The following CLSTN2 variants were observed in gnomAD, a reference collection of about 807,000 sequenced individuals.
CLSTN2 encodes calsyntenin-2.
CLSTN2 carries 48 observed loss-of-function variants against 101.2 expected under a neutral mutation model. The observed-to-expected ratio is 0.47, with a 90% CI of 0.38 to 0.60. CLSTN2 has a LOEUF of 0.60. Ranked by LOEUF, CLSTN2 falls within the 20% of genes least tolerant of loss-of-function variation. The pLI is 0.00. For synonymous variants in CLSTN2, 481 were observed against 463.6 expected, an observed-to-expected ratio of 1.04 and a Z score of -0.48; for missense variants, 1,160 against 1,238.2, an observed-to-expected ratio of 0.94 and a Z score of 0.95.
intron 2 of CLSTN2, among the ~76,000 whole-genome samples, chr3:140,268,808 C>T (rs2086717185): frequency 6.6e-6 from 1 of 152,126 alleles, no homozygotes; most frequent in Non-Finnish European, 1.5e-5. Context: ...TGATGCTGTA[C>T]AACATTACGC....
chr3:140,106,527 TG>T (rs1475776444), intron 1 of CLSTN2, among the ~76,000 whole-genome samples: 1 of 152,216 alleles, frequency 6.6e-6, no homozygotes, highest in Non-Finnish European at 1.5e-5. Flanking sequence ...TCTGCCCCTG[TG>T]GGTGAGCACT....
At chr3:140,338,198 C>A (rs1285973077) in intron 2 of CLSTN2, among the ~76,000 whole-genome samples, 1 of 152,134 alleles carries the variant, frequency 6.6e-6, no homozygotes, top group Non-Finnish European at 1.5e-5. Context: ...TGACTGATCT[C>A]TCTCTCTCTC....
At chr3:140,411,865 A>C (rs1282615517) in intron 4 of CLSTN2, among the ~76,000 whole-genome samples, 1 of 152,238 alleles carries the variant, frequency 6.6e-6, no homozygotes, top group Non-Finnish European at 1.5e-5. Flanking sequence ...AAAAGGTTTT[A>C]GTACGTACAG....
intron 2 of CLSTN2, among the ~76,000 whole-genome samples, chr3:140,259,664 C>T (rs1287183337): frequency 6.6e-6 from 1 of 152,098 alleles, no homozygotes; most frequent in Non-Finnish European, 1.5e-5. Flanking sequence ...ACCCGACAGG[C>T]AACTAATGAT....
At chr3:139,997,476 T>G (rs570235924) in intron 1 of CLSTN2, among the ~76,000 whole-genome samples, 1 of 152,332 alleles carries the variant, frequency 6.6e-6, no homozygotes, top group South Asian at 2.1e-4. Flanking sequence ...TCCTTTCTCT[T>G]GTGCTGTTTC....
intron 8 of CLSTN2, among the ~76,000 whole-genome samples, chr3:140,523,955 A>T (rs1281139040): frequency 6.6e-6 from 1 of 152,174 alleles, no homozygotes; most frequent in East Asian, 1.9e-4. Flanking sequence ...TCTCAGACTC[A>T]CTTTCTCAAT....
In CLSTN2 at chr3:140,572,638, T is replaced by G. The variant is rs1985592794; in HGVS notation, c.*6385T>G. On this transcript the variant is annotated 3_prime_UTR_variant, in exon 17 of 17. Transcript: ENST00000458420. ...GGTTCCCTGGGCCAGCTGCATCACC[T>G]GGGAACATGTGAGAAGTGCATATTC... is the stretch of plus-strand genomic sequence containing the variant. 1 of 152,244 alleles carries G rather than the reference T, an allele frequency of 6.6e-6. No homozygotes were observed. The highest frequency in any genetic ancestry group is 2.1e-4 in the South Asian group (1 of 4,820). 9.4% of individuals were successfully genotyped at this position (152,244 alleles called of 1,614,324 possible). A position where few individuals can be genotyped will look rare whatever the true frequency, so the allele number is the denominator to read the frequency against.
chr3:140,171,651 GTATTATA>G (rs1368322202), intron 1 of CLSTN2, among the ~76,000 whole-genome samples: 3 of 31,034 alleles, frequency 9.7e-5, no homozygotes, highest in Non-Finnish European at 1.2e-4. Flanking sequence ...TATATAATAC[GTATTATA>G]TATTATATAT....
At chr3:140,155,866 C>T (rs1285803556) in intron 1 of CLSTN2, among the ~76,000 whole-genome samples, 1 of 152,206 alleles carries the variant, frequency 6.6e-6, no homozygotes, top group Non-Finnish European at 1.5e-5. Flanking sequence ...TTGAGATTGC[C>T]ATCTGCTTTG....
At chr3:140,564,842 A>C (rs1256192378) in intron 16 of CLSTN2, among the ~76,000 whole-genome samples, 1 of 152,206 alleles carries the variant, frequency 6.6e-6, no homozygotes, top group East Asian at 1.9e-4. Context: ...GAATCTATCC[A>C]TGAGTGTCAA....
At chr3:140,089,493 T>C (rs1187663506) in intron 1 of CLSTN2, among the ~76,000 whole-genome samples, 2 of 152,170 alleles carry the variant, frequency 1.3e-5, no homozygotes, top group African/African-American at 4.8e-5. Flanking sequence ...ACCTATTAGT[T>C]CAGCAGGCTC....
chr3:140,260,143 T>C (rs2086638299), intron 2 of CLSTN2, among the ~76,000 whole-genome samples: 1 of 148,104 alleles, frequency 6.8e-6, no homozygotes, highest in Admixed American at 6.8e-5. Context: ...GAAATATATA[T>C]ATATATATAT....
At chr3:140,001,719 T>G (rs887722781) in intron 1 of CLSTN2, among the ~76,000 whole-genome samples, 36 of 147,244 alleles carry the variant, frequency 2.4e-4, no homozygotes, top group Non-Finnish European at 4.1e-4. Flanking sequence ...ATGATTTCTG[T>G]TTTTTTTTTT....
intron 1 of CLSTN2, among the ~76,000 whole-genome samples, chr3:139,951,788 ATGT>A (rs1935300510): frequency 6.6e-6 from 1 of 152,212 alleles, no homozygotes; most frequent in East Asian, 1.9e-4. Context: ...ACATCATTTG[ATGT>A]TTATAGTCCA....
At chr3:140,459,243 C>T (rs1001989767) in intron 6 of CLSTN2, among the ~76,000 whole-genome samples, 2 of 152,170 alleles carry the variant, frequency 1.3e-5, no homozygotes, top group East Asian at 1.9e-4. Flanking sequence ...CAGGGTTTTT[C>T]CAACTTTCTA....
chr3:140,347,196 A>G (rs571004123), intron 2 of CLSTN2, among the ~76,000 whole-genome samples: 1 of 152,326 alleles, frequency 6.6e-6, no homozygotes, highest in South Asian at 2.1e-4. Context: ...AAAATGTGTT[A>G]TTTGGCATCT....
chr3:140,282,674 T>C (rs749132104), intron 2 of CLSTN2, among the ~76,000 whole-genome samples: 1 of 152,180 alleles, frequency 6.6e-6, no homozygotes, highest in Non-Finnish European at 1.5e-5. Flanking sequence ...AGGGTACTAT[T>C]ATCCTGTGTA....
chr3:140,184,764 C>T (rs1314564963), intron 2 of CLSTN2, among the ~76,000 whole-genome samples: 1 of 152,128 alleles, frequency 6.6e-6, no homozygotes, highest in Non-Finnish European at 1.5e-5. Flanking sequence ...ATGCTCATCC[C>T]TATTCTAGAG....
At chr3:140,366,577 C>G (rs778849464) in intron 2 of CLSTN2, among the ~76,000 whole-genome samples, 3 of 152,186 alleles carry the variant, frequency 2.0e-5, no homozygotes, top group Non-Finnish European at 4.4e-5. Flanking sequence ...CTTGTCTTCC[C>G]TCTCTCTTCT....
Sources: allele counts gnomAD v4.1 joint callset (sites outside exome capture counted in the v4.1 genomes callset), GRCh38; gene constraint gnomAD v4.1.1; transcripts MANE v1.5; gene names NCBI Gene and HGNC (gene_info 2026-07-23, HGNC 2026-07-21).